The following SGCZ variants were observed in gnomAD, a reference collection of about 807,000 sequenced individuals.
SGCZ encodes sarcoglycan zeta, also known as zeta-sarcoglycan.
SGCZ carries 40 observed loss-of-function variants against 41.3 expected under a neutral mutation model. The ratio of observed to expected loss-of-function variants is 0.97; its 90% confidence interval spans 0.75 to 1.26. The LOEUF (loss-of-function observed/expected upper bound fraction) is 1.26, where lower values mean the gene tolerates loss of function less well. Ranked by LOEUF, SGCZ falls within the 50% of genes most tolerant of loss-of-function variation. The pLI is 0.00. For missense variants in SGCZ, 552 were observed against 369.8 expected, an observed-to-expected ratio of 1.49 and a Z score of -4.04; for synonymous variants, 206 against 137.5, an observed-to-expected ratio of 1.50 and a Z score of -3.49.
At chr8:14,823,813 C>T (rs1031330551) in intron 1 of SGCZ, among the ~76,000 whole-genome samples, 6 of 152,020 alleles carry the variant, frequency 3.9e-5, no homozygotes, top group South Asian at 2.1e-4. Context: ...ATAGACAAGA[C>T]GGATAATCAA....
chr8:14,641,495 T>C (rs1807026438), intron 1 of SGCZ, among the ~76,000 whole-genome samples: 3 of 151,724 alleles, frequency 2.0e-5, no homozygotes, highest in Non-Finnish European at 4.4e-5. Context: ...TCTCCTAATG[T>C]CAATCCCTTG....
Position 14,555,072 on chromosome 8 carries a change from A to G in SGCZ, c.40-146T>C, listed in dbSNP as rs560405724. On this transcript the variant is annotated intron_variant, in intron 1 of 7. Coordinates refer to ENST00000382080, the MANE Select transcript of SGCZ (RefSeq NM_139167.4). ...TTCAAATAACTATTGTTGTGTAATTAAAATGTTATAGAAAACTTCGAATCA... is the reference window on the plus strand; with the variant it reads ...TTCAAATAACTATTGTTGTGTAATTGAAATGTTATAGAAAACTTCGAATCA... The G allele has an allele frequency of 2.1e-3, 1,468 of 695,360 alleles. 1 individual carries two copies. The highest frequency in any genetic ancestry group is 2.9e-3 in the Non-Finnish European group (1,258 of 439,742). 43.1% of individuals were successfully genotyped at this position (695,360 alleles called of 1,614,324 possible).
intron 1 of SGCZ, among the ~76,000 whole-genome samples, chr8:14,794,088 G>A (rs959041765): frequency 6.6e-6 from 1 of 152,044 alleles, no homozygotes; most frequent in Non-Finnish European, 1.5e-5. Context: ...AGCCTACAAA[G>A]ATCATCTTCA....
chr8:14,639,294 A>T (rs2117422398), intron 1 of SGCZ, among the ~76,000 whole-genome samples: 1 of 151,662 alleles, frequency 6.6e-6, no homozygotes, highest in African/African-American at 2.4e-5. Context: ...CCTTACCACT[A>T]ATATATTATT....
intron 7 of SGCZ, among the ~76,000 whole-genome samples, chr8:14,095,089 G>T (rs574946693): frequency 3.5e-4 from 54 of 152,166 alleles, no homozygotes; most frequent in African/African-American, 1.1e-3. Context: ...TATTCACTCT[G>T]ATGATAGTTT....
intron 1 of SGCZ, among the ~76,000 whole-genome samples, chr8:14,659,004 G>C (rs545631865): frequency 2.6e-4 from 39 of 152,058 alleles, no homozygotes; most frequent in Non-Finnish European, 4.4e-4. Flanking sequence ...TAAAGTTACT[G>C]TTAAGTACCC....
chr8:14,501,517 G>C (rs991516345), intron 2 of SGCZ, among the ~76,000 whole-genome samples: 1 of 151,512 alleles, frequency 6.6e-6, no homozygotes, highest in Non-Finnish European at 1.5e-5. Flanking sequence ...TTACAAATTA[G>C]ATGAATTAAT....
intron 3 of SGCZ, among the ~76,000 whole-genome samples, chr8:14,266,773 T>A (rs1318439912): frequency 1.3e-5 from 2 of 152,094 alleles, no homozygotes; most frequent in East Asian, 1.9e-4. Flanking sequence ...AATGCCTAAG[T>A]AGATGAGGTA....
intron 2 of SGCZ, among the ~76,000 whole-genome samples, chr8:14,354,360 C>T (rs191247423): frequency 9.9e-5 from 15 of 151,398 alleles, no homozygotes; most frequent in African/African-American, 3.6e-4. Context: ...ACAAGAAAAG[C>T]GTAGAAAAGA....
At chr8:14,120,798 G>A (rs367802783) in intron 5 of SGCZ, among the ~76,000 whole-genome samples, 1 of 152,038 alleles carries the variant, frequency 6.6e-6, no homozygotes. Flanking sequence ...TAATTATAAT[G>A]AGAAGTATAA....
rs527630368 is a variant in SGCZ, at chr8:14,348,799, A to C, written c.235-24595T>G. Among the ~76,000 whole-genome samples, 4 of 152,184 alleles carry C rather than the reference A, an allele frequency of 2.6e-5. No individual in the cohort carries two copies. The East Asian group carries it at 7.7e-4, about 29-fold the overall frequency. On this transcript the variant is annotated intron_variant, in intron 2 of 7. Coordinates refer to ENST00000382080, the MANE Select transcript of SGCZ (RefSeq NM_139167.4). ...TCATTCAGCATTTACAAAAGGTTAA[A>C]GTACTGCTTTTTCTCAACCAAATAC...
chr8:14,164,787 A>G, intron 4 of SGCZ, 85 bp from the exon 5 acceptor site: 2 of 1,452,696 alleles, frequency 1.4e-6, no homozygotes, highest in African/African-American at 1.4e-5. Flanking sequence ...CTAGAAATGC[A>G]TATATTATTT....
chr8:14,674,916 C>A (rs1257314864), intron 1 of SGCZ, among the ~76,000 whole-genome samples: 1 of 115,588 alleles, frequency 8.7e-6, no homozygotes. Flanking sequence ...AATTTAACCT[C>A]TTTTCTTTTC....
intron 1 of SGCZ, among the ~76,000 whole-genome samples, chr8:14,776,656 G>C (rs1419784472): frequency 6.6e-6 from 1 of 151,128 alleles, no homozygotes; most frequent in African/African-American, 2.4e-5. Flanking sequence ...ACCACGCCCA[G>C]CTAATTTTTT....
At chr8:14,234,453 G>A (rs1179367238) in intron 4 of SGCZ, among the ~76,000 whole-genome samples, 6 of 151,946 alleles carry the variant, frequency 3.9e-5, no homozygotes, top group Non-Finnish European at 7.4e-5. Flanking sequence ...AATAAAATAT[G>A]GAAAATACTC....
chr8:14,784,418 A>C (rs202237910), intron 1 of SGCZ, among the ~76,000 whole-genome samples: 9 of 151,560 alleles, frequency 5.9e-5, no homozygotes, highest in East Asian at 1.9e-4. Flanking sequence ...CAGAAAAAAA[A>C]TGTCAGCTAT....
At chr8:14,316,734 C>A (rs73666525) in intron 3 of SGCZ, among the ~76,000 whole-genome samples, 1 of 151,384 alleles carries the variant, frequency 6.6e-6, no homozygotes, top group Non-Finnish European at 1.5e-5. Flanking sequence ...GAGTGCCCAA[C>A]GATTCATTCC....
chr8:15,089,182 T>C (rs924303744), intron 1 of SGCZ, among the ~76,000 whole-genome samples: 1 of 152,172 alleles, frequency 6.6e-6, no homozygotes, highest in Non-Finnish European at 1.5e-5. Flanking sequence ...GGATATACTA[T>C]AGTCTAATGA....
At chr8:14,693,438 T>G (rs960836663) in intron 1 of SGCZ, among the ~76,000 whole-genome samples, 5 of 151,896 alleles carry the variant, frequency 3.3e-5, no homozygotes, top group Admixed American at 3.3e-4. Flanking sequence ...ATTACAGGCA[T>G]GCACTACCAC....
Sources: allele counts gnomAD v4.1 joint callset (sites outside exome capture counted in the v4.1 genomes callset), GRCh38; gene constraint gnomAD v4.1.1; transcripts MANE v1.5; gene names NCBI Gene and HGNC (gene_info 2026-07-23, HGNC 2026-07-21).